Variants in HMBOX1 observed in about 807,000 individuals in gnomAD.
HMBOX1 encodes the protein homeobox containing 1, also known as homeobox-containing protein 1.
Under a neutral mutation model 54.5 loss-of-function variants are expected in HMBOX1, and 14 were observed. That is an observed-to-expected ratio of 0.26 (90% CI 0.17 to 0.40). HMBOX1 has a LOEUF of 0.40. HMBOX1 is among the 10% of genes least tolerant of loss of function. The pLI is 1.00. For missense variants in HMBOX1, 332 were observed against 514.4 expected (o/e 0.65, Z 3.43); for synonymous variants, 160 against 181.0 (o/e 0.88, Z 0.93).
At chr8:29,008,976 G>T in intron 4 of HMBOX1, 96 bp from the exon 5 acceptor site, 1 of 887,000 alleles carries the variant, frequency 1.1e-6, no homozygotes, top group East Asian at 2.5e-5. Context: ...ACTGGACACA[G>T]AGAATAAAGC....
At chr8:28,976,709 C>CTTTTTTTTTTTTTTTTTTTT (rs749880362) in intron 3 of HMBOX1, among the ~76,000 whole-genome samples, 3 of 135,806 alleles carry the variant, frequency 2.2e-5, no homozygotes, top group Non-Finnish European at 3.2e-5. Flanking sequence ...TCTTTTTTTT[C>CTTTTTTTTTTTTTTTTTTTT]TTTTTTTTTT....
At chr8:29,038,184 AC>A (rs146631476) in intron 6 of HMBOX1, among the ~76,000 whole-genome samples, 2,026 of 152,314 alleles carry the variant, frequency 0.013, 45 homozygotes, top group African/African-American at 0.047. Context: ...TGGTTCAAGG[AC>A]ATTTCCATTT....
rs992338222 is a variant in HMBOX1, at chr8:28,970,899, C to T, written c.500+380C>T. On this transcript the variant is annotated intron_variant, in intron 3 of 9. Coordinates refer to ENST00000287701, the MANE Select transcript of HMBOX1 (RefSeq NM_001135726.3). This position sits in a 1 kb window ranked among gnomAD's most constrained non-coding sequence, Gnocchi z 4.3. Reference sequence around the variant, plus strand: ...TTTTATCTTGATCAGAATATGTACACTCTTAATTTTTCTGTTCAACATTCC... The same window carrying T: ...TTTTATCTTGATCAGAATATGTACATTCTTAATTTTTCTGTTCAACATTCC... Among the ~76,000 whole-genome samples the T allele has an allele frequency of 5.9e-5, 9 of 151,512 alleles. No homozygotes were observed. Among genetic ancestry groups the T allele is most frequent in the Admixed American group, 5.9e-4 (9 of 15,190 alleles).
intron 4 of HMBOX1, among the ~76,000 whole-genome samples, chr8:29,006,692 T>A (rs1833502574): frequency 6.6e-6 from 1 of 152,232 alleles, no homozygotes; most frequent in African/African-American, 2.4e-5. Flanking sequence ...AAATATACTC[T>A]AACTTAACTA....
At chr8:29,027,561 G>C (rs190844086) in intron 6 of HMBOX1, among the ~76,000 whole-genome samples, 10 of 152,162 alleles carry the variant, frequency 6.6e-5, no homozygotes, top group Admixed American at 6.5e-5. Context: ...ACCTATTCTA[G>C]TCTCAAGGGA....
chr8:29,040,491 G>A (rs1234730050), intron 6 of HMBOX1, among the ~76,000 whole-genome samples: 1 of 152,062 alleles, frequency 6.6e-6, no homozygotes, highest in African/African-American at 2.4e-5. Flanking sequence ...CATTTTATCA[G>A]TTTAGATTAT....
intron 4 of HMBOX1, among the ~76,000 whole-genome samples, chr8:28,985,397 A>G (rs1332629616): frequency 1.3e-5 from 2 of 152,230 alleles, no homozygotes; most frequent in Non-Finnish European, 2.9e-5. Flanking sequence ...CCCGCCTCCT[A>G]AAACCATCAC....
chr8:28,902,946 C>T (rs1253824238), intron 1 of HMBOX1, among the ~76,000 whole-genome samples: 1 of 152,200 alleles, frequency 6.6e-6, no homozygotes, highest in Non-Finnish European at 1.5e-5. Context: ...TTTCAGGTTA[C>T]AAGTGTATTC....
At chr8:29,009,628 A>AT (rs938162065) in intron 5 of HMBOX1, 11,850 of 918,170 alleles carry the variant, frequency 0.013, 2 homozygotes, top group South Asian at 0.027. Flanking sequence ...TCTGCTAATG[A>AT]TTTTTTTTTT....
At chr8:29,005,559 AC>A (rs1198977406) in intron 4 of HMBOX1, among the ~76,000 whole-genome samples, 1 of 152,218 alleles carries the variant, frequency 6.6e-6, no homozygotes, top group Non-Finnish European at 1.5e-5. Flanking sequence ...AATTTTAAGA[AC>A]ATTTTTGGGG....
chr8:28,930,405 T>C (rs560104731), intron 1 of HMBOX1, among the ~76,000 whole-genome samples: 16 of 152,344 alleles, frequency 1.1e-4, no homozygotes, highest in Admixed American at 8.5e-4. Flanking sequence ...AGTTTCTTTA[T>C]CTTCTAATGA....
intron 1 of HMBOX1, among the ~76,000 whole-genome samples, chr8:28,910,995 G>A (rs567888062): frequency 2.6e-5 from 4 of 152,206 alleles, no homozygotes; most frequent in South Asian, 2.1e-4. Flanking sequence ...CACTTGCTTA[G>A]TGATGCTAAA....
intron 1 of HMBOX1, among the ~76,000 whole-genome samples, chr8:28,921,185 A>G (rs1817495995): frequency 6.6e-6 from 1 of 152,162 alleles, no homozygotes; most frequent in South Asian, 2.1e-4. Flanking sequence ...AAATACAAAA[A>G]TTAGCCAGGT....
At chr8:28,967,452 T>C (rs944710776) in intron 2 of HMBOX1, among the ~76,000 whole-genome samples, 1 of 152,226 alleles carries the variant, frequency 6.6e-6, no homozygotes, top group Non-Finnish European at 1.5e-5. Flanking sequence ...CAGTAATAAG[T>C]GAAATTCATA....
chr8:28,903,335 C>G (rs1371371415), intron 1 of HMBOX1, among the ~76,000 whole-genome samples: 2 of 152,238 alleles, frequency 1.3e-5, no homozygotes, highest in Non-Finnish European at 2.9e-5. Flanking sequence ...CTTGATTTAT[C>G]TACCTTGGTG....
chr8:28,977,263 A>G (rs1331457545), intron 3 of HMBOX1, among the ~76,000 whole-genome samples: 9 of 152,240 alleles, frequency 5.9e-5, no homozygotes, highest in Admixed American at 2.0e-4. Flanking sequence ...AATGTAAATT[A>G]GTAGTCAAAA....
At chr8:29,013,091 A>G (rs1030083984) in intron 5 of HMBOX1, among the ~76,000 whole-genome samples, 1 of 152,220 alleles carries the variant, frequency 6.6e-6, no homozygotes, top group Non-Finnish European at 1.5e-5. Context: ...CTATGACTCT[A>G]TTCCTGGGCG....
chr8:28,893,399 C>T (rs1245522111), intron 1 of HMBOX1, among the ~76,000 whole-genome samples: 1 of 152,164 alleles, frequency 6.6e-6, no homozygotes, highest in Non-Finnish European at 1.5e-5. Flanking sequence ...AATGTGATTG[C>T]TTCTAAAGAT....
intron 4 of HMBOX1, among the ~76,000 whole-genome samples, chr8:28,981,867 T>C (rs895712873): frequency 6.6e-6 from 1 of 152,236 alleles, no homozygotes; most frequent in African/African-American, 2.4e-5. Flanking sequence ...AGATATGTTT[T>C]CCCATCTTGC....
Sources: allele counts gnomAD v4.1 joint callset (sites outside exome capture counted in the v4.1 genomes callset), GRCh38; gene constraint gnomAD v4.1.1; non-coding constraint Gnocchi (gnomAD v3.1); transcripts MANE v1.5; gene names NCBI Gene and HGNC (gene_info 2026-07-23, HGNC 2026-07-21).